The following ZNF438 variants were observed in gnomAD, a reference collection of about 807,000 sequenced individuals.
The protein encoded by ZNF438 is zinc finger protein 438.
A neutral mutation model predicts 38.0 loss-of-function variants in ZNF438; 25 were observed. The ratio of observed to expected loss-of-function variants is 0.66; its 90% CI spans 0.48 to 0.92. The LOEUF (loss-of-function observed/expected upper bound fraction) is 0.92, where lower values mean the gene tolerates loss of function less well. ZNF438 is among the 40% of genes least tolerant of loss of function. The pLI is 0.00. For missense variants in ZNF438, 1,007 were observed against 999.6 expected, an observed-to-expected ratio of 1.01 and a Z score of -0.10; for synonymous variants, 372 against 364.1, an observed-to-expected ratio of 1.02 and a Z score of -0.25.
At chr10:30,971,287 T>C (rs906086272) in intron 1 of ZNF438, among the ~76,000 whole-genome samples, 4 of 152,204 alleles carry the variant, frequency 2.6e-5, no homozygotes. Context: ...TCAGCTGCTA[T>C]TAGTAATACT....
Position 30,933,384 on chromosome 10 carries a change from T to C in ZNF438, c.-115+8191A>G, listed in dbSNP as rs190243318. Among the ~76,000 whole-genome samples the C allele has an allele frequency of 4.6e-3, 700 of 152,336 alleles. 5 individuals carry two copies. Among genetic ancestry groups the C allele is most frequent in the African/African-American group, 0.012 (483 of 41,576 alleles). On this transcript the variant is annotated intron_variant, in intron 2 of 5. Transcript: ENST00000413025. ...AAGAGAATGTGGAAATATGGATTTG[T>C]GCATTAAATTATTTAACAACAAATT...
intron 1 of ZNF438, among the ~76,000 whole-genome samples, chr10:30,972,865 A>G (rs963280222): frequency 1.3e-5 from 2 of 152,230 alleles, no homozygotes; most frequent in Non-Finnish European, 2.9e-5. Flanking sequence ...GTAACTTAAT[A>G]GGGAACAATG....
chr10:30,978,606 T>C (rs896971031), intron 1 of ZNF438, among the ~76,000 whole-genome samples: 1 of 152,152 alleles, frequency 6.6e-6, no homozygotes, highest in African/African-American at 2.4e-5. Flanking sequence ...TTGTACTGCC[T>C]CCAGATCAGT....
intron 1 of ZNF438, among the ~76,000 whole-genome samples, chr10:30,968,826 C>T (rs967888316): frequency 6.6e-6 from 1 of 152,022 alleles, no homozygotes; most frequent in African/African-American, 2.4e-5. Flanking sequence ...GCAGATGTGA[C>T]CATACAGATC....
chr10:30,940,880 C>T (rs1331791732), intron 2 of ZNF438, among the ~76,000 whole-genome samples: 2 of 151,882 alleles, frequency 1.3e-5, no homozygotes, highest in Non-Finnish European at 2.9e-5. Context: ...TAAATAAGAA[C>T]ATATAAATAA....
intron 3 of ZNF438, among the ~76,000 whole-genome samples, chr10:30,905,093 T>C (rs925201275): frequency 8.5e-5 from 13 of 152,260 alleles, no homozygotes; most frequent in African/African-American, 3.1e-4. Context: ...TACTGTAACA[T>C]TTACCCCTTT....
chr10:30,857,532 G>T, intron 4 of ZNF438: 1 of 557,346 alleles, frequency 1.8e-6, no homozygotes. Context: ...TGGGATTACA[G>T]GTATGAGCCA....
intron 4 of ZNF438, among the ~76,000 whole-genome samples, chr10:30,864,971 T>C (rs542239599): frequency 6.6e-6 from 1 of 152,332 alleles, no homozygotes; most frequent in East Asian, 1.9e-4. Context: ...CAACACTTCT[T>C]GCAAGATCAC....
rs369798456 is a variant in ZNF438, at chr10:31,024,920, G to A, written c.-192+6913C>T. Among the ~76,000 whole-genome samples, 5 of 152,244 alleles carry A rather than the reference G, an allele frequency of 3.3e-5. No homozygotes were observed. The East Asian group carries it at 9.6e-4, about 29-fold the overall frequency. ...CTGTTACAATCCAGGATTATATAAA[G>A]TCCAGATTAAATTAATTTTAGTAAG... On this transcript the variant is annotated intron_variant, in intron 1 of 5. Transcript: ENST00000413025.
chr10:30,858,797 GCTCTTAGCTAA>G (rs1564505040), intron 4 of ZNF438, among the ~76,000 whole-genome samples: 1 of 151,976 alleles, frequency 6.6e-6, no homozygotes, highest in African/African-American at 2.4e-5. Context: ...CTCAATTATT[GCTCTTAGCTAA>G]CTCCCCTCTC....
chr10:30,984,136 T>C (rs1774142268), intron 1 of ZNF438, among the ~76,000 whole-genome samples: 1 of 152,196 alleles, frequency 6.6e-6, no homozygotes, highest in Non-Finnish European at 1.5e-5. Flanking sequence ...ATCTTCATTG[T>C]AATTATTATA....
intron 1 of ZNF438, among the ~76,000 whole-genome samples, chr10:30,979,358 A>G (rs1203375919): frequency 1.3e-5 from 2 of 152,220 alleles, no homozygotes; most frequent in Non-Finnish European, 2.9e-5. Flanking sequence ...TATAGATTCA[A>G]TGCTATCCCC....
At chr10:30,933,733 TTTTC>T (rs1217444717) in intron 2 of ZNF438, among the ~76,000 whole-genome samples, 1 of 152,096 alleles carries the variant, frequency 6.6e-6, no homozygotes, top group Non-Finnish European at 1.5e-5. Context: ...CTGTTGTATG[TTTTC>T]TTTGTTTTCC....
chr10:30,981,495 T>C (rs1056765460), intron 1 of ZNF438, among the ~76,000 whole-genome samples: 5 of 152,192 alleles, frequency 3.3e-5, no homozygotes, highest in Non-Finnish European at 7.3e-5. Flanking sequence ...CTCTTCTCTC[T>C]CAGCCTCATC....
At chr10:30,948,274 A>T (rs1238720729) in intron 1 of ZNF438, among the ~76,000 whole-genome samples, 1 of 152,192 alleles carries the variant, frequency 6.6e-6, no homozygotes, top group African/African-American at 2.4e-5. Flanking sequence ...AAAGACCAAA[A>T]GTAGATAAAA....
rs1053289584 is a variant in ZNF438 at position 31,018,772 on chromosome 10, C to T, written c.-192+13061G>A. ...TGAAGAGTAGTAATTGGTTCTGTTC[C>T]ACAAGGTCATCCAGGAACCTAGGCA... On this transcript the variant is annotated intron_variant, in intron 1 of 5. Coordinates refer to ENST00000413025, the Ensembl canonical transcript of ZNF438. 2.0e-5 allele frequency among the ~76,000 whole-genome samples: 3 copies of T among 152,246 alleles called. 1 individual carries two copies. Among genetic ancestry groups the T allele is most frequent in the Middle Eastern group, 6.8e-3 (2 of 294 alleles).
intron 2 of ZNF438, among the ~76,000 whole-genome samples, chr10:30,932,354 T>C (rs1402594588): frequency 6.6e-6 from 1 of 152,246 alleles, no homozygotes; most frequent in African/African-American, 2.4e-5. Flanking sequence ...CTGGTACTCC[T>C]TGTATACATT....
chr10:30,895,320 T>A (rs2041184857), intron 3 of ZNF438, among the ~76,000 whole-genome samples: 2 of 152,366 alleles, frequency 1.3e-5, no homozygotes, highest in South Asian at 4.1e-4. Context: ...ATGATGGTGC[T>A]AGCCAAGAGT....
At chr10:30,933,362 AG>A (rs1458112269) in intron 2 of ZNF438, among the ~76,000 whole-genome samples, 1 of 152,244 alleles carries the variant, frequency 6.6e-6, no homozygotes, top group African/African-American at 2.4e-5. Context: ...AGTTTCCAAG[AG>A]AATGTGGAAA....
Sources: allele counts gnomAD v4.1 joint callset (sites outside exome capture counted in the v4.1 genomes callset), GRCh38; gene constraint gnomAD v4.1.1; transcripts MANE v1.5; gene names NCBI Gene and HGNC (gene_info 2026-07-23, HGNC 2026-07-21).